Variants in ZNF292 observed in about 807,000 individuals in gnomAD.
ZNF292 encodes the protein 16 zinc-finger domain protein.
ZNF292 carries 26 observed loss-of-function variants against 217.9 expected under a neutral mutation model. That is an observed-to-expected ratio of 0.12 (90% CI 0.09 to 0.17). The LOEUF is 0.17. Among genes scored for constraint, ZNF292 ranks in the 10% least tolerant of loss-of-function variants. The probability of loss-of-function intolerance (pLI) is 1.00; values close to 1 mark genes in which losing one functional copy is unlikely to be tolerated. For missense variants in ZNF292, 2,904 were observed against 3,175.2 expected, an observed-to-expected ratio of 0.91 and a Z score of 2.05; for synonymous variants, 1,257 against 1,124.1, an observed-to-expected ratio of 1.12 and a Z score of -2.37.
intron 1 of ZNF292, among the ~76,000 whole-genome samples, chr6:87,197,421 GTTTT>G (rs71014999): frequency 7.1e-6 from 1 of 141,586 alleles, no homozygotes; most frequent in Non-Finnish European, 1.5e-5. Flanking sequence ...TAACATTTGG[GTTTT>G]TTTTTTTTTT....
chr6:87,242,857 C>A (rs73754147), intron 5 of ZNF292, among the ~76,000 whole-genome samples: 1,684 of 152,158 alleles, frequency 0.011, 36 homozygotes, highest in African/African-American at 0.037. Flanking sequence ...CTAGGTTATA[C>A]GTACACATGC....
intron 1 of ZNF292, among the ~76,000 whole-genome samples, chr6:87,202,356 T>C (rs1772122554): frequency 6.6e-6 from 1 of 152,216 alleles, no homozygotes; most frequent in African/African-American, 2.4e-5. Flanking sequence ...ACTGCTTTTT[T>C]AAAAAAATAG....
At chr6:87,211,611 G>A (rs539434361) in intron 1 of ZNF292, among the ~76,000 whole-genome samples, 9 of 152,148 alleles carry the variant, frequency 5.9e-5, no homozygotes, top group South Asian at 4.1e-4. Context: ...TTACTGAATA[G>A]GTAGTACATG....
chr6:87,162,459 A>T (rs1770781232), intron 1 of ZNF292, among the ~76,000 whole-genome samples: 1 of 152,214 alleles, frequency 6.6e-6, no homozygotes, highest in South Asian at 2.1e-4. Context: ...GACACTTTAA[A>T]TCAGAAGAAA....
intron 1 of ZNF292, among the ~76,000 whole-genome samples, chr6:87,185,569 C>T (rs557065398): frequency 1.2e-3 from 182 of 152,242 alleles, no homozygotes; most frequent in African/African-American, 4.3e-3. Context: ...ACCTCTGCCT[C>T]CCGGGCTCAA....
chr6:87,206,087 C>T (rs1415169839), intron 1 of ZNF292, among the ~76,000 whole-genome samples: 2 of 152,168 alleles, frequency 1.3e-5, no homozygotes, highest in Non-Finnish European at 2.9e-5. Flanking sequence ...CCTCTCATTA[C>T]CCTGCTGGGG....
rs747158049 is a variant in ZNF292, at chr6:87,254,739, T to C, written c.1110T>C (p.Ser370=). 1 of 1,613,968 alleles carries C rather than the reference T, an allele frequency of 6.2e-7. No individual in the cohort carries two copies. The highest frequency in any genetic ancestry group is 1.1e-5 in the South Asian group (1 of 91,086). ...ESTENTEVKI[S]ICKTISCLLP... ...CAGAAAATACTGAAGTGAAAATATC[T>C]ATTTGCAAGACCATTTCATGTTTGT... Residue 370 remains serine (S), a synonymous_variant, in exon 8 of 8, where the codon TCT becomes TCC. Coordinates refer to ENST00000369577, the MANE Select transcript of ZNF292 (RefSeq NM_015021.3).
In ZNF292 at chr6:87,210,150, G is replaced by A. The variant is rs558892776; in HGVS notation, c.169-5753G>A. ...TACTCTTTCTCCCTAAAGCATGTATGTTCTAGACTCTGCTTATTTAAATAA... is the reference window on the plus strand; with the variant it reads ...TACTCTTTCTCCCTAAAGCATGTATATTCTAGACTCTGCTTATTTAAATAA... On this transcript the variant is annotated intron_variant, in intron 1 of 7. Transcript: ENST00000369577. Among the ~76,000 whole-genome samples, 12 of 152,210 alleles carry A rather than the reference G, an allele frequency of 7.9e-5. 1 individual carries two copies. Among genetic ancestry groups the A allele is most frequent in the Admixed American group, 7.9e-4 (12 of 15,284 alleles).
chr6:87,227,690 A>G (rs1773427263), intron 4 of ZNF292, among the ~76,000 whole-genome samples: 3 of 152,232 alleles, frequency 2.0e-5, no homozygotes, highest in Middle Eastern at 6.8e-3. Flanking sequence ...GTATCATATC[A>G]TATTTTTCTT....
At chr6:87,230,281 A>C (rs1310474904) in intron 4 of ZNF292, among the ~76,000 whole-genome samples, 2 of 152,196 alleles carry the variant, frequency 1.3e-5, no homozygotes, top group Non-Finnish European at 2.9e-5. Flanking sequence ...AACCCAGTAA[A>C]TGAGTTGACC....
chr6:87,161,223 G>T (rs1027366716), intron 1 of ZNF292, among the ~76,000 whole-genome samples: 1 of 152,074 alleles, frequency 6.6e-6, no homozygotes, highest in Non-Finnish European at 1.5e-5. Flanking sequence ...TTAAAGAAAA[G>T]ATTTGACATT....
intron 1 of ZNF292, among the ~76,000 whole-genome samples, chr6:87,167,801 C>A (rs1266499433): frequency 6.6e-6 from 1 of 152,154 alleles, no homozygotes; most frequent in African/African-American, 2.4e-5. Flanking sequence ...GTAATTTGAA[C>A]TAAGATTGTG....
intron 1 of ZNF292, among the ~76,000 whole-genome samples, chr6:87,176,129 A>T (rs949507516): frequency 6.6e-6 from 1 of 152,208 alleles, no homozygotes; most frequent in Non-Finnish European, 1.5e-5. Context: ...ACCTGTCACT[A>T]GGTTCGTGGC....
Position 87,259,953 on chromosome 6 carries a change from C to T in ZNF292, c.6324C>T (p.Tyr2108=). Residue 2108 remains tyrosine, a synonymous_variant, in exon 8 of 8, where the codon TAC becomes TAT. Transcript: ENST00000369577. ...AATCCCTTGAGTTTCCAACAAGATA[C>T]AGTCCTTACAGACCTTATCGATGTG... The part of the protein sequence containing the change: ...VSQSLEFPTR[Y]SPYRPYRCVH... The T allele has an allele frequency of 6.2e-7, 1 of 1,613,632 alleles. No individual in the cohort carries two copies. The highest frequency in any genetic ancestry group is 8.5e-7 in the Non-Finnish European group (1 of 1,179,708).
intron 6 of ZNF292, 76 bp downstream of exon 6, chr6:87,243,687 C>A: frequency 8.0e-7 from 1 of 1,256,620 alleles, no homozygotes; most frequent in Non-Finnish European, 1.0e-6. Context: ...ATTCATATAA[C>A]TTAGGAACAT....
intron 1 of ZNF292, among the ~76,000 whole-genome samples, chr6:87,212,050 A>G (rs1186564985): frequency 6.6e-6 from 1 of 152,230 alleles, no homozygotes. Context: ...CAACTTGGCT[A>G]CAATGTTAGG....
At chr6:87,222,594 A>C (rs917577803) in intron 4 of ZNF292, among the ~76,000 whole-genome samples, 7 of 152,204 alleles carry the variant, frequency 4.6e-5, no homozygotes, top group Admixed American at 2.6e-4. Flanking sequence ...AAATTTATAG[A>C]AAAATTGTGA....
At chr6:87,211,304 C>T (rs80103050) in intron 1 of ZNF292, among the ~76,000 whole-genome samples, 2 of 152,186 alleles carry the variant, frequency 1.3e-5, no homozygotes, top group Non-Finnish European at 2.9e-5. Context: ...CCTGGTATGA[C>T]CTGTGAGACA....
chr6:87,246,156 G>A (rs766501688), intron 7 of ZNF292, among the ~76,000 whole-genome samples: 4 of 152,212 alleles, frequency 2.6e-5, no homozygotes, highest in Non-Finnish European at 5.9e-5. Flanking sequence ...GCTTGAACCT[G>A]GGAGGCGGAG....
Sources: allele counts gnomAD v4.1 joint callset (sites outside exome capture counted in the v4.1 genomes callset), GRCh38; gene constraint gnomAD v4.1.1; transcripts MANE v1.5; gene names NCBI Gene and HGNC (gene_info 2026-07-23, HGNC 2026-07-21).